KCNIP4: variants seen among roughly 807,000 people sequenced by gnomAD.
KCNIP4 encodes the protein Kv channel-interacting protein 4.
KCNIP4 carries 12 observed loss-of-function variants against 34.0 expected under a neutral mutation model. The observed-to-expected ratio is 0.35, with a 90% CI of 0.23 to 0.57. The LOEUF (loss-of-function observed/expected upper bound fraction) is 0.57, where lower values mean the gene tolerates loss of function less well. KCNIP4 is among the 20% of genes least tolerant of loss of function. KCNIP4 has a pLI of 0.83. For missense variants in KCNIP4, 238 were observed against 311.7 expected, an observed-to-expected ratio of 0.76 and a Z score of 1.78; for synonymous variants, 124 against 102.2, an observed-to-expected ratio of 1.21 and a Z score of -1.29.
chr4:21,636,802 G>T (rs1422740944), intron 1 of KCNIP4, among the ~76,000 whole-genome samples: 1 of 152,166 alleles, frequency 6.6e-6, no homozygotes, highest in Non-Finnish European at 1.5e-5. Flanking sequence ...TGAGTCCAAA[G>T]CAGAAGCTAC....
chr4:21,377,529 A>G (rs1014635724), intron 1 of KCNIP4, among the ~76,000 whole-genome samples: 3 of 152,212 alleles, frequency 2.0e-5, no homozygotes, highest in African/African-American at 4.8e-5. Flanking sequence ...AAGAAAGGGA[A>G]ATACGTGTAT....
chr4:21,354,081 T>C (rs953971195), intron 1 of KCNIP4, among the ~76,000 whole-genome samples: 1 of 152,146 alleles, frequency 6.6e-6, no homozygotes, highest in African/African-American at 2.4e-5. Context: ...CAAAATTCTT[T>C]ACAGACAAGC....
At chr4:21,154,411 T>C (rs1230903424) in intron 1 of KCNIP4, among the ~76,000 whole-genome samples, 1 of 152,246 alleles carries the variant, frequency 6.6e-6, no homozygotes, top group Admixed American at 6.5e-5. Context: ...TCATTATTTA[T>C]TGTATCTTCA....
intron 1 of KCNIP4, among the ~76,000 whole-genome samples, chr4:21,218,742 G>A (rs1383089282): frequency 1.3e-5 from 2 of 152,114 alleles, no homozygotes; most frequent in African/African-American, 2.4e-5. Flanking sequence ...GCAAAGCTAT[G>A]GGCTCATCCA....
intron 5 of KCNIP4, 90 bp from the exon 6 acceptor site, chr4:20,734,825 T>C: frequency 1.6e-6 from 1 of 636,558 alleles, no homozygotes; most frequent in Non-Finnish European, 2.6e-6. Context: ...GCTACAACCC[T>C]CTGGATCTTG....
At chr4:20,795,275 A>G (rs536574908) in intron 3 of KCNIP4, among the ~76,000 whole-genome samples, 1 of 152,226 alleles carries the variant, frequency 6.6e-6, no homozygotes, top group African/African-American at 2.4e-5. Flanking sequence ...TGGGCAGATG[A>G]CTTTATTATA....
chr4:21,059,482 A>G lies in KCNIP4; in HGVS notation c.62-176773T>C, dbSNP rs77654413. On this transcript the variant is annotated intron_variant, in intron 1 of 8. Coordinates refer to ENST00000382152, the MANE Select transcript of KCNIP4 (RefSeq NM_025221.6). Reference sequence around the variant, plus strand: ...CCTAAGGCCAAGGATGGACGGAGAAATTCCCTGACAGTCTATTCTAGGACC... The same window carrying G: ...CCTAAGGCCAAGGATGGACGGAGAAGTTCCCTGACAGTCTATTCTAGGACC... Among the ~76,000 whole-genome samples, 280 of 152,240 alleles carry G rather than the reference A, an allele frequency of 1.8e-3. 1 individual carries two copies. Among genetic ancestry groups the G allele is most frequent in the African/African-American group, 6.3e-3 (260 of 41,550 alleles).
At chr4:21,753,407 T>C (rs548049792) in intron 1 of KCNIP4, among the ~76,000 whole-genome samples, 1 of 152,194 alleles carries the variant, frequency 6.6e-6, no homozygotes, top group South Asian at 2.1e-4. Context: ...ACAGACCTCA[T>C]GGAAGATACC....
At chr4:21,131,509 T>C (rs771346616) in intron 1 of KCNIP4, among the ~76,000 whole-genome samples, 1 of 151,954 alleles carries the variant, frequency 6.6e-6, no homozygotes, top group African/African-American at 2.4e-5. Flanking sequence ...ACTCAGGAGA[T>C]TGAGGCAGGA....
intron 1 of KCNIP4, among the ~76,000 whole-genome samples, chr4:21,748,601 C>T (rs889831331): frequency 2.6e-5 from 4 of 152,006 alleles, no homozygotes; most frequent in Admixed American, 2.6e-4. Context: ...ATCATGAAGA[C>T]CGAATTTATA....
At chr4:20,951,183 G>A (rs775362880) in intron 1 of KCNIP4, among the ~76,000 whole-genome samples, 3 of 152,110 alleles carry the variant, frequency 2.0e-5, no homozygotes, top group Non-Finnish European at 4.4e-5. Context: ...TGAGGACACA[G>A]TGGGAAGGCA....
intron 1 of KCNIP4, among the ~76,000 whole-genome samples, chr4:21,298,557 C>T (rs1001316062): frequency 7.2e-5 from 11 of 151,986 alleles, no homozygotes; most frequent in African/African-American, 2.7e-4. Context: ...CATCTATTTC[C>T]AGCCATCCCA....
At chr4:21,331,667 A>C (rs2109325175) in intron 1 of KCNIP4, among the ~76,000 whole-genome samples, 1 of 53,262 alleles carries the variant, frequency 1.9e-5, no homozygotes, top group African/African-American at 1.0e-4. Context: ...CGTCACAAGA[A>C]ATATTGCCTT....
At chr4:21,257,589 A>G (rs1197749221) in intron 1 of KCNIP4, among the ~76,000 whole-genome samples, 1 of 151,988 alleles carries the variant, frequency 6.6e-6, no homozygotes, top group Non-Finnish European at 1.5e-5. Context: ...CCTCTACTAA[A>G]AAATACAAAA....
intron 3 of KCNIP4, among the ~76,000 whole-genome samples, chr4:20,801,551 G>A (rs956466362): frequency 2.0e-5 from 3 of 152,096 alleles, no homozygotes; most frequent in South Asian, 2.1e-4. Context: ...ATAAGTTATA[G>A]GGGGTGGAGA....
chr4:21,152,724 G>A (rs1752846784), intron 1 of KCNIP4, among the ~76,000 whole-genome samples: 1 of 152,164 alleles, frequency 6.6e-6, no homozygotes, highest in Non-Finnish European at 1.5e-5. Flanking sequence ...AGGTGGAAAT[G>A]AGCAAAAGCC....
chr4:21,410,413 G>T (rs1246231486), intron 1 of KCNIP4, among the ~76,000 whole-genome samples: 1 of 152,156 alleles, frequency 6.6e-6, no homozygotes, highest in African/African-American at 2.4e-5. Context: ...TTATCAACGG[G>T]ATGTAGCTTC....
At chr4:21,421,890 A>G (rs917201535) in intron 1 of KCNIP4, among the ~76,000 whole-genome samples, 1 of 152,194 alleles carries the variant, frequency 6.6e-6, no homozygotes, top group Non-Finnish European at 1.5e-5. Flanking sequence ...GGATCAATAT[A>G]GGACCTACTG....
chr4:20,837,587 T>C (rs1002587358), intron 3 of KCNIP4, among the ~76,000 whole-genome samples: 7 of 151,404 alleles, frequency 4.6e-5, no homozygotes, highest in Non-Finnish European at 8.8e-5. Context: ...AACGAATATG[T>C]ACTGAACTTG....
Sources: allele counts gnomAD v4.1 joint callset (sites outside exome capture counted in the v4.1 genomes callset), GRCh38; gene constraint gnomAD v4.1.1; transcripts MANE v1.5; gene names NCBI Gene and HGNC (gene_info 2026-07-23, HGNC 2026-07-21).